The following PSKH1 variants were observed in gnomAD, a reference collection of about 807,000 sequenced individuals.
PSKH1 encodes the protein serine/threonine-protein kinase H1.
Under a neutral mutation model 26.7 loss-of-function variants are expected in PSKH1, and 12 were observed. That is an observed-to-expected ratio of 0.45 (90% confidence interval 0.29 to 0.73). PSKH1 has a LOEUF of 0.73. PSKH1 is among the 30% of genes least tolerant of loss of function. The pLI is 0.11. For synonymous variants in PSKH1, 213 were observed against 234.3 expected, an observed-to-expected ratio of 0.91 and a Z score of 0.83; for missense variants, 431 against 595.2, an observed-to-expected ratio of 0.72 and a Z score of 2.87.
intron 1 of PSKH1, among the ~76,000 whole-genome samples, chr16:67,897,562 C>G (rs1410532995): frequency 1.3e-5 from 2 of 152,156 alleles, no homozygotes; most frequent in African/African-American, 2.4e-5. Flanking sequence ...AGATTAGAGA[C>G]TATGGCCGCC....
intron 2 of PSKH1, among the ~76,000 whole-genome samples, chr16:67,924,612 T>G (rs1174540834): frequency 6.6e-6 from 1 of 152,184 alleles, no homozygotes; most frequent in African/African-American, 2.4e-5. Context: ...TTGCCCCTCT[T>G]TTGTCTTGGC....
At chr16:67,907,963 C>T (rs1208931124) in intron 1 of PSKH1, among the ~76,000 whole-genome samples, 1 of 152,092 alleles carries the variant, frequency 6.6e-6, no homozygotes, top group Non-Finnish European at 1.5e-5. Context: ...TTCACACCCC[C>T]ATTTCAGAAA....
At chr16:67,894,479 T>G (rs2058120590) in intron 1 of PSKH1, among the ~76,000 whole-genome samples, 1 of 152,210 alleles carries the variant, frequency 6.6e-6, no homozygotes, top group Admixed American at 6.5e-5. Context: ...TTTTCTCAGT[T>G]TGCTATACAC....
chr16:67,909,298 C>T lies in PSKH1; in HGVS notation c.549C>T (p.Arg183=). The change falls in exon 2 of 3, where the codon CGC becomes CGT. Residue 183 remains arginine (R), a synonymous_variant. Coordinates refer to ENST00000291041, the MANE Select transcript of PSKH1 (RefSeq NM_006742.3). This position sits in a 1 kb window ranked among gnomAD's most constrained non-coding sequence, Gnocchi z 7.8. ...ELATGGELFD[R]IIAKGSFTER... is the part of the protein sequence containing the mutation. ...CCACTGGTGGAGAGCTCTTTGACCG[C>T]ATCATTGCCAAGGGCTCCTTCACCG... 6.2e-7 allele frequency: 1 copy of T among 1,614,142 alleles called. No homozygotes were observed. The highest frequency in any genetic ancestry group is 8.5e-7 in the Non-Finnish European group (1 of 1,180,032).
At position 67,908,807 on chromosome 16, in the gene PSKH1, C is replaced by T; in HGVS notation, c.58C>T (p.Leu20=). Residue 20 remains leucine, a synonymous_variant, in exon 2 of 3, where the codon CTG becomes TTG. Transcript: ENST00000291041. The part of the protein sequence containing the change: ...PEPPKDVQLD[L]VKKVEPFSGT... Reference sequence around the variant, plus strand: ...GCCACCCAAGGATGTCCAGCTGGATCTGGTCAAGAAGGTGGAGCCCTTCAG... The same window carrying T: ...GCCACCCAAGGATGTCCAGCTGGATTTGGTCAAGAAGGTGGAGCCCTTCAG... 3 of 1,612,122 alleles carry T rather than the reference C, an allele frequency of 1.9e-6. No homozygotes were observed. Among genetic ancestry groups the T allele is most frequent in the Non-Finnish European group, 2.5e-6 (3 of 1,178,744 alleles).
Position 67,927,198 on chromosome 16 carries a change from A to G in PSKH1, c.958-127A>G. On this transcript the variant is annotated intron_variant, in intron 2 of 2. Coordinates refer to ENST00000291041, the MANE Select transcript of PSKH1 (RefSeq NM_006742.3). This position sits in a 1 kb window ranked among gnomAD's most constrained non-coding sequence, Gnocchi z 5.5. ...AGCCAGCGTTGGGCGGGGAGGCCCC[A>G]AGTGCTACATGAGAGGAGGGGCAGC... The G allele has an allele frequency of 1.0e-6, 1 of 969,074 alleles. No individual in the cohort carries two copies. The allele number at this position is 969,074 out of a possible 1,614,324, so 60.0% of individuals were successfully genotyped here. A position where few individuals can be genotyped will look rare whatever the true frequency, so the allele number is the denominator to read the frequency against.
At chr16:67,900,384 T>C (rs1021199798) in intron 1 of PSKH1, among the ~76,000 whole-genome samples, 9 of 151,962 alleles carry the variant, frequency 5.9e-5, no homozygotes, top group African/African-American at 2.2e-4. Flanking sequence ...CAGTCTGGAG[T>C]AGAGCAGTGA....
At chr16:67,914,000 G>A (rs1463951963) in intron 2 of PSKH1, among the ~76,000 whole-genome samples, 1 of 152,086 alleles carries the variant, frequency 6.6e-6, no homozygotes, top group East Asian at 1.9e-4. Context: ...AGTATAGGAG[G>A]GAGAAAGCAG....
At chr16:67,916,796 A>G (rs1435588200) in intron 2 of PSKH1, among the ~76,000 whole-genome samples, 3 of 152,120 alleles carry the variant, frequency 2.0e-5, no homozygotes, top group African/African-American at 7.2e-5. Context: ...GTGAAGGAGT[A>G]TGGAGCAGAG....
At chr16:67,899,402 C>G (rs1420107200) in intron 1 of PSKH1, among the ~76,000 whole-genome samples, 1 of 142,620 alleles carries the variant, frequency 7.0e-6, no homozygotes, top group African/African-American at 2.6e-5. Flanking sequence ...GTGGCGCAAT[C>G]TCGGCTCACT....
chr16:67,915,895 G>T lies in PSKH1; in HGVS notation c.957+6189G>T, dbSNP rs190892521. On this transcript the variant is annotated intron_variant, in intron 2 of 2. Coordinates refer to ENST00000291041, the MANE Select transcript of PSKH1 (RefSeq NM_006742.3). The stretch of plus-strand genomic sequence containing the variant: ...TGGGGAAAATGCAAGAGACGTGAAG[G>T]CCTGTTCTTCCTATCCCTAGAGGTT... Among the ~76,000 whole-genome samples the T allele has an allele frequency of 1.1e-3, 170 of 152,324 alleles. 1 individual carries two copies. The highest frequency in any genetic ancestry group is 4.0e-3 in the African/African-American group (168 of 41,560).
chr16:67,895,999 C>T (rs1056508660), intron 1 of PSKH1, among the ~76,000 whole-genome samples: 1 of 152,162 alleles, frequency 6.6e-6, no homozygotes, highest in African/African-American at 2.4e-5. Context: ...TGAGATGGTA[C>T]ATATAAGATC....
intron 1 of PSKH1, chr16:67,903,117 G>A (rs1235008266): frequency 1.3e-5 from 2 of 152,068 alleles, no homozygotes; most frequent in Non-Finnish European, 2.9e-5. Context: ...CCTCTTATGT[G>A]AAGAAAAATA....
Position 67,908,779 on chromosome 16 carries a change from C to T in PSKH1, c.30C>T (p.Pro10=), listed in dbSNP as rs753559003. 71 of 1,598,184 alleles carry T rather than the reference C, an allele frequency of 4.4e-5. No homozygotes were observed. Among genetic ancestry groups the T allele is most frequent in the African/African-American group, 1.2e-4 (9 of 74,684 alleles). MGCGTSKVL[P]EPPKDVQLDL... Reference sequence around the variant, plus strand: ...GCTGTGGGACAAGCAAGGTCCTTCCCGAGCCACCCAAGGATGTCCAGCTGG... The same window carrying T: ...GCTGTGGGACAAGCAAGGTCCTTCCTGAGCCACCCAAGGATGTCCAGCTGG... Residue 10 remains proline, a synonymous_variant, in exon 2 of 3, where the codon CCC becomes CCT. Transcript: ENST00000291041.
chr16:67,920,534 A>G, intron 2 of PSKH1, among the ~76,000 whole-genome samples: 1 of 152,080 alleles, frequency 6.6e-6, no homozygotes, highest in East Asian at 1.9e-4. Flanking sequence ...GCTGAGATTA[A>G]AGGCGTGAGC....
chr16:67,920,613 A>G (rs2058199544), intron 2 of PSKH1, among the ~76,000 whole-genome samples: 1 of 152,016 alleles, frequency 6.6e-6, no homozygotes, highest in Admixed American at 6.6e-5. Flanking sequence ...TCCCACACCT[A>G]CTGAGGTGGA....
chr16:67,905,995 C>A (rs191146020), intron 1 of PSKH1, among the ~76,000 whole-genome samples: 25 of 152,112 alleles, frequency 1.6e-4, no homozygotes, highest in African/African-American at 5.8e-4. Context: ...TATTCCTGTG[C>A]CCCTGGTATC....
chr16:67,926,313 G>C (rs1010117547), intron 2 of PSKH1, among the ~76,000 whole-genome samples: 1 of 152,242 alleles, frequency 6.6e-6, no homozygotes, highest in Non-Finnish European at 1.5e-5. Context: ...GTTGTTTACT[G>C]TCTGAGCCTG....
chr16:67,894,572 GA>G (rs919814003), intron 1 of PSKH1, among the ~76,000 whole-genome samples: 108 of 152,132 alleles, frequency 7.1e-4, no homozygotes, highest in Non-Finnish European at 7.8e-4. Context: ...CACTTCCTAG[GA>G]AAAAAATCTA....
Sources: allele counts gnomAD v4.1 joint callset (sites outside exome capture counted in the v4.1 genomes callset), GRCh38; gene constraint gnomAD v4.1.1; non-coding constraint Gnocchi (gnomAD v3.1); transcripts MANE v1.5; gene names NCBI Gene and HGNC (gene_info 2026-07-23, HGNC 2026-07-21).